The following SC5D variants were observed in gnomAD, a reference collection of about 807,000 sequenced individuals.
The protein encoded by SC5D is lathosterol oxidase.
A neutral mutation model predicts 23.9 loss-of-function variants in SC5D; 21 were observed. The ratio of observed to expected loss-of-function variants is 0.88; its 90% confidence interval spans 0.62 to 1.26. The LOEUF is 1.26. SC5D is among the 50% of genes most tolerant of loss of function. The probability of loss-of-function intolerance (pLI) is 0.00; values close to 1 mark genes in which losing one functional copy is unlikely to be tolerated. For missense variants in SC5D, 309 were observed against 364.8 expected, an observed-to-expected ratio of 0.85 and a Z score of 1.25; for synonymous variants, 113 against 125.9, an observed-to-expected ratio of 0.90 and a Z score of 0.68.
At chr11:121,296,345 C>A (rs1421614772) in intron 1 of SC5D, among the ~76,000 whole-genome samples, 2 of 152,298 alleles carry the variant, frequency 1.3e-5, no homozygotes, top group East Asian at 3.9e-4. Flanking sequence ...CAAGTCCATC[C>A]CCTAACATGT....
chr11:121,293,648 C>T (rs1443081618), intron 1 of SC5D, among the ~76,000 whole-genome samples: 1 of 152,132 alleles, frequency 6.6e-6, no homozygotes, highest in Admixed American at 6.5e-5. Context: ...TGTGGCAGCT[C>T]GGTACTTTTA....
intron 1 of SC5D, 80 bp downstream of exon 1, chr11:121,292,896 A>T (rs1947861148): frequency 6.6e-6 from 1 of 151,318 alleles, no homozygotes; most frequent in Admixed American, 6.6e-5. Context: ...ATAAAAGAAG[A>T]TGGAGAGACT....
intron 1 of SC5D, among the ~76,000 whole-genome samples, chr11:121,302,709 G>C (rs1206387412): frequency 1.3e-5 from 2 of 152,172 alleles, no homozygotes; most frequent in African/African-American, 4.8e-5. Flanking sequence ...CAGGCTCTGA[G>C]TTTGGCCCGT....
Position 121,313,341 on chromosome 11 carries a change from T to C in SC5D, c.*5829T>C, listed in dbSNP as rs1200330783. The stretch of plus-strand genomic sequence containing the variant: ...TACCACAGTTGGTTTATGTATTTGC[T>C]GATGAATATTTGTGTTATTTCCAGC... On this transcript the variant is annotated 3_prime_UTR_variant, in exon 5 of 5. Transcript: ENST00000264027. Among the ~76,000 whole-genome samples the C allele has an allele frequency of 1.3e-5, 2 of 152,242 alleles. No individual in the cohort carries two copies. The highest frequency in any genetic ancestry group is 2.4e-5 in the African/African-American group (1 of 41,462).
chr11:121,306,996 C>G, intron 4 of SC5D, 61 bp from the exon 5 acceptor site: 1 of 1,372,190 alleles, frequency 7.3e-7, no homozygotes, highest in Non-Finnish European at 1.0e-6. Flanking sequence ...GTGTGAGAAG[C>G]TAAGTTGAAT....
Position 121,307,127 on chromosome 11 carries a change from AT to A in SC5D, c.516del (p.Asp172GlufsTer24), listed in dbSNP as rs747405511. ...GCAAGTCATGCTTTTCACCCTATTG[AT>A]GGCTTTCTTCAGAGTCTACCTTACC... ...PFASHAFHPI[D>X]GFLQSLPYHI... On this transcript the variant is annotated frameshift_variant, in exon 5 of 5. Coordinates refer to ENST00000264027, the MANE Select transcript of SC5D (RefSeq NM_006918.5). LOFTEE classifies it high-confidence loss of function. 3.1e-6 allele frequency: 5 copies of A among 1,614,126 alleles called. No homozygotes were observed. Among genetic ancestry groups the A allele is most frequent in the Non-Finnish European group, 4.2e-6 (5 of 1,180,002 alleles).
rs1947992591 is a variant in SC5D at position 121,309,407 on chromosome 11, A to C, written c.*1895A>C. 6.6e-6 allele frequency among the ~76,000 whole-genome samples: 1 copy of C among 152,158 alleles called. No homozygotes were observed. The highest frequency in any genetic ancestry group is 6.5e-5 in the Admixed American group (1 of 15,280). On this transcript the variant is annotated 3_prime_UTR_variant, in exon 5 of 5. Coordinates refer to ENST00000264027, the MANE Select transcript of SC5D (RefSeq NM_006918.5). ...TAGAGAGATTTTGGGAAATGTGTCC[A>C]GCTGTGTGCCTGGGAGGAAGGGGGC...
At chr11:121,306,321 T>C (rs1273939817) in intron 3 of SC5D, 65 bp from the exon 4 acceptor site, 2 of 809,544 alleles carry the variant, frequency 2.5e-6, no homozygotes, top group African/African-American at 3.4e-5. Flanking sequence ...GATGGACATG[T>C]GAAAAGTGAA....
Position 121,312,935 on chromosome 11 carries a change from GT to G in SC5D, c.*5429del, listed in dbSNP as rs1565572532. Among the ~76,000 whole-genome samples, 1 of 152,018 alleles carries G rather than the reference GT, an allele frequency of 6.6e-6. No individual in the cohort carries two copies. The highest frequency in any genetic ancestry group is 2.4e-5 in the African/African-American group (1 of 41,410). On this transcript the variant is annotated 3_prime_UTR_variant, in exon 5 of 5. Coordinates refer to ENST00000264027, the MANE Select transcript of SC5D (RefSeq NM_006918.5). ...CTTTTGTCTGTCGCTTCATTGGGAC[GT>G]TTTTTCTTTCTGATCAACTTAATGA...
intron 3 of SC5D, chr11:121,304,789 A>C: frequency 3.2e-6 from 1 of 312,452 alleles, no homozygotes; most frequent in Admixed American, 4.5e-5. Context: ...CTTCTAAAAA[A>C]AACTTGAGTA....
At position 121,304,494 on chromosome 11, in the gene SC5D, G is replaced by T. The variant is rs764277776; in HGVS notation, c.343+1G>T. The T allele has an allele frequency of 6.2e-7, 1 of 1,613,112 alleles. No individual in the cohort carries two copies. Among genetic ancestry groups the T allele is most frequent in the Non-Finnish European group, 8.5e-7 (1 of 1,179,448 alleles). ...GATGACCTAGGAGAGTTTCCATATG[G>T]TAAGTAAATAACACGAGTGTCAGGA... On this transcript the variant is annotated splice_donor_variant, in intron 3 of 4. Coordinates refer to ENST00000264027, the MANE Select transcript of SC5D (RefSeq NM_006918.5). LOFTEE classifies it high-confidence loss of function.
chr11:121,303,271 T>G, intron 1 of SC5D, 95 bp from the exon 2 acceptor site: 1 of 923,790 alleles, frequency 1.1e-6, no homozygotes, highest in Non-Finnish European at 1.8e-6. Flanking sequence ...ATGACTGTTC[T>G]TAAATCAGGA....
chr11:121,300,834 A>G (rs1351209324), intron 1 of SC5D, among the ~76,000 whole-genome samples: 1 of 152,236 alleles, frequency 6.6e-6, no homozygotes, highest in Non-Finnish European at 1.5e-5. Flanking sequence ...CCAACACAGC[A>G]CCTTGGCAAA....
At chr11:121,299,503 ATT>A (rs1431310223) in intron 1 of SC5D, among the ~76,000 whole-genome samples, 1 of 152,244 alleles carries the variant, frequency 6.6e-6, no homozygotes, top group East Asian at 1.9e-4. Flanking sequence ...TCCATACATA[ATT>A]ACATAAATTG....
intron 1 of SC5D, among the ~76,000 whole-genome samples, chr11:121,296,157 C>T (rs1011398484): frequency 2.6e-5 from 4 of 152,212 alleles, no homozygotes; most frequent in African/African-American, 4.8e-5. Context: ...GCATTAGCCA[C>T]TTCACCTAGC....
At position 121,310,157 on chromosome 11, in the gene SC5D, AAG is replaced by A. The variant is rs1324478035; in HGVS notation, c.*2647_*2648del. On this transcript the variant is annotated 3_prime_UTR_variant, in exon 5 of 5. Coordinates refer to ENST00000264027, the MANE Select transcript of SC5D (RefSeq NM_006918.5). ...TTATGTAGAGAGGAGGTCTGGGAGA[AAG>A]ATGGAAACTAGGGAGATGACTGAGA... is the stretch of plus-strand genomic sequence containing the variant. Among the ~76,000 whole-genome samples the A allele has an allele frequency of 6.6e-6, 1 of 152,238 alleles. No individual in the cohort carries two copies. Among genetic ancestry groups the A allele is most frequent in the East Asian group, 1.9e-4 (1 of 5,202 alleles).
At chr11:121,304,529 T>A in intron 3 of SC5D, 36 bp downstream of exon 3, 1 of 1,599,530 alleles carries the variant, frequency 6.3e-7, no homozygotes, top group Non-Finnish European at 8.6e-7. Flanking sequence ...AAGAGAGTAG[T>A]CTAAGCACAG....
At chr11:121,298,267 A>G (rs1298348995) in intron 1 of SC5D, among the ~76,000 whole-genome samples, 1 of 152,218 alleles carries the variant, frequency 6.6e-6, no homozygotes, top group African/African-American at 2.4e-5. Flanking sequence ...CGCTGGTATT[A>G]CAGTCATGAG....
chr11:121,304,262 T>C, intron 2 of SC5D, 99 bp from the exon 3 acceptor site: 1 of 1,084,062 alleles, frequency 9.2e-7, no homozygotes, highest in Non-Finnish European at 1.4e-6. Flanking sequence ...AGCCCCTTCA[T>C]GTAAAAGAGA....
Sources: allele counts gnomAD v4.1 joint callset (sites outside exome capture counted in the v4.1 genomes callset), GRCh38; gene constraint gnomAD v4.1.1; transcripts MANE v1.5; gene names NCBI Gene and HGNC (gene_info 2026-07-23, HGNC 2026-07-21).